ADAMTSL1: variants seen among roughly 807,000 people sequenced by gnomAD.
The protein encoded by ADAMTSL1 is ADAMTS like 1, also known as ADAMTS-like protein 1.
In ADAMTSL1, 126 loss-of-function variants were observed where a neutral mutation model predicts 201.8. The observed-to-expected ratio is 0.62, with a 90% CI of 0.54 to 0.72. The LOEUF (loss-of-function observed/expected upper bound fraction) is 0.72. Ranked by LOEUF, ADAMTSL1 falls within the 30% of genes least tolerant of loss-of-function variation. The pLI, the probability that ADAMTSL1 is intolerant of heterozygous loss-of-function variation, is 0.00. For synonymous variants in ADAMTSL1, 1,121 were observed against 903.4 expected (o/e 1.24, Z -4.32); for missense variants, 2,679 against 2,277.8 (o/e 1.18, Z -3.59).
At chr9:18,885,960 A>C (rs1828825217) in intron 23 of ADAMTSL1, among the ~76,000 whole-genome samples, 1 of 151,644 alleles carries the variant, frequency 6.6e-6, no homozygotes. Flanking sequence ...AATCTTGTGT[A>C]AATTTTAACA....
intron 13 of ADAMTSL1, among the ~76,000 whole-genome samples, chr9:18,688,689 A>AATATATATATATATATATATATATATAT: frequency 2.2e-3 from 19 of 8,632 alleles, no homozygotes; most frequent in South Asian, 0.013. Flanking sequence ...AAAAAAAAAA[A>AATATATATATATATATATATATATATAT]ATATATATAT....
intron 4 of ADAMTSL1, among the ~76,000 whole-genome samples, chr9:18,619,968 C>T (rs1389410735): frequency 6.7e-6 from 1 of 149,434 alleles, no homozygotes; most frequent in Non-Finnish European, 1.5e-5. Flanking sequence ...GTCATGCTTT[C>T]TCAAAGGATT....
rs556086181 is a variant in ADAMTSL1, at chr9:18,682,231, T to G, written c.1489+272T>G. On this transcript the variant is annotated intron_variant, in intron 12 of 28. Transcript: ENST00000380548. ...GAGGACTATTGCTGAAGAATACGGA[T>G]GTACCTGCTTAAAGGGAGACCAGAT... 2.6e-5 allele frequency among the ~76,000 whole-genome samples: 4 copies of G among 152,326 alleles called. No homozygotes were observed. The South Asian group carries it at 6.2e-4, about 24-fold the overall frequency.
intron 2 of ADAMTSL1, among the ~76,000 whole-genome samples, chr9:18,296,916 C>G (rs1168122036): frequency 1.3e-5 from 2 of 152,176 alleles, no homozygotes; most frequent in East Asian, 3.9e-4. Flanking sequence ...GAGGCTTAAA[C>G]AATAGTTGCT....
intron 2 of ADAMTSL1, among the ~76,000 whole-genome samples, chr9:18,281,053 T>C (rs1237346214): frequency 6.6e-6 from 1 of 152,012 alleles, no homozygotes; most frequent in East Asian, 1.9e-4. Flanking sequence ...TCTTTAAACA[T>C]TTCTTGTAGA....
intron 23 of ADAMTSL1, among the ~76,000 whole-genome samples, chr9:18,875,552 T>C (rs1828095500): frequency 6.6e-6 from 1 of 152,180 alleles, no homozygotes; most frequent in Non-Finnish European, 1.5e-5. Context: ...TGTATTTGCA[T>C]GGTTTTGAAG....
chr9:18,776,786 G>A lies in ADAMTSL1; in HGVS notation c.2557G>A (p.Gly853Arg), dbSNP rs2060362. The change falls in exon 19 of 29, where the codon GGG (glycine) becomes AGG (arginine). Residue 853 changes from glycine to arginine, a missense_variant. Gly to Arg is a moderately radical substitution (Grantham distance 125). Transcript: ENST00000380548. The stretch of plus-strand genomic sequence containing the variant: ...CGGGTTCGCTCTCCTTCCAGGGCCC[G>A]GGCGGCCATCCACGAAGCACAGCCC... ...PCMLATCARP[G>R]RPSTKHSPHI... The A allele has an allele frequency of 0.052, 79,844 of 1,547,178 alleles. 2,295 individuals carry two copies. The highest frequency in any genetic ancestry group is 0.074 in the Middle Eastern group (438 of 5,950).
chr9:18,710,056 C>A (rs1421479880), intron 14 of ADAMTSL1, among the ~76,000 whole-genome samples: 1 of 152,186 alleles, frequency 6.6e-6, no homozygotes, highest in African/African-American at 2.4e-5. Context: ...CTTCTCACAT[C>A]GTGCCTGCCT....
At chr9:18,218,452 C>G (rs975630774) in intron 2 of ADAMTSL1, among the ~76,000 whole-genome samples, 4 of 152,088 alleles carry the variant, frequency 2.6e-5, no homozygotes, top group Non-Finnish European at 5.9e-5. Context: ...CATTCCTACA[C>G]TTTAAAAAAA....
intron 19 of ADAMTSL1, among the ~76,000 whole-genome samples, chr9:18,779,919 A>C (rs1248408432): frequency 1.3e-5 from 2 of 152,112 alleles, no homozygotes; most frequent in Non-Finnish European, 2.9e-5. Flanking sequence ...GATTGGTACT[A>C]TTGGGATTGA....
intron 3 of ADAMTSL1, among the ~76,000 whole-genome samples, chr9:18,535,603 C>T (rs1229175602): frequency 1.3e-5 from 2 of 152,168 alleles, no homozygotes; most frequent in Non-Finnish European, 2.9e-5. Context: ...TTAGTCCATT[C>T]TTATGCTGCT....
intron 3 of ADAMTSL1, among the ~76,000 whole-genome samples, chr9:18,558,929 T>G (rs757367257): frequency 2.0e-5 from 3 of 152,166 alleles, no homozygotes; most frequent in Non-Finnish European, 4.4e-5. Flanking sequence ...ATGAATAGAT[T>G]GCAAAAAATT....
intron 4 of ADAMTSL1, among the ~76,000 whole-genome samples, chr9:18,613,437 C>T (rs1039934747): frequency 3.9e-5 from 6 of 151,962 alleles, no homozygotes; most frequent in African/African-American, 1.5e-4. Context: ...GCACTGTTCA[C>T]AATAGCAAAG....
At chr9:18,656,650 A>AAAAAT (rs71506010) in intron 7 of ADAMTSL1, among the ~76,000 whole-genome samples, 2,003 of 148,112 alleles carry the variant, frequency 0.014, 31 homozygotes, top group Non-Finnish European at 0.019. Context: ...AAAAAAGAAA[A>AAAAAT]TGTTAAGACT....
intron 25 of ADAMTSL1, chr9:18,890,579 C>T (rs1226880004): frequency 2.2e-6 from 1 of 455,902 alleles, no homozygotes; most frequent in Non-Finnish European, 4.4e-6. Context: ...CAGCTGAAAC[C>T]AGGAGAGATT....
chr9:18,443,361 C>T (rs1820069951), intron 2 of ADAMTSL1, among the ~76,000 whole-genome samples: 1 of 152,182 alleles, frequency 6.6e-6, no homozygotes, highest in African/African-American at 2.4e-5. Context: ...TTTTGTCTTT[C>T]TCCTTCAGTG....
At chr9:18,257,571 A>T (rs115933709) in intron 2 of ADAMTSL1, among the ~76,000 whole-genome samples, 1,690 of 152,328 alleles carry the variant, frequency 0.011, 33 homozygotes, top group African/African-American at 0.038. Context: ...ATCTTCGTGC[A>T]TTGCTGTTGG....
At chr9:18,086,105 T>G (rs1823760544) in intron 1 of ADAMTSL1, among the ~76,000 whole-genome samples, 1 of 152,110 alleles carries the variant, frequency 6.6e-6, no homozygotes, top group African/African-American at 2.4e-5. Context: ...ATGTGAGAGA[T>G]AATTTTTTGA....
chr9:17,986,325 A>G (rs904639993), intron 1 of ADAMTSL1, among the ~76,000 whole-genome samples: 2 of 152,006 alleles, frequency 1.3e-5, no homozygotes, highest in African/African-American at 2.4e-5. Context: ...GCCCTCTCTG[A>G]TTATACATGT....
Sources: gnomAD v4.1 joint callset for allele counts (sites outside exome capture counted in the v4.1 genomes callset) on GRCh38, gnomAD v4.1.1 for gene constraint, MANE v1.5 for transcripts, NCBI Gene and HGNC (gene_info 2026-07-23, HGNC 2026-07-21) for gene names.